The following SLIT2 variants were observed in gnomAD, a reference collection of about 807,000 sequenced individuals.
SLIT2 encodes the protein slit homolog 2 protein.
SLIT2 carries 41 observed loss-of-function variants against 185.7 expected under a neutral mutation model. The ratio of observed to expected loss-of-function variants is 0.22; its 90% CI spans 0.17 to 0.29. The LOEUF is 0.29. Among genes scored for constraint, SLIT2 ranks in the 10% least tolerant of loss-of-function variants. SLIT2 has a pLI of 1.00. For missense variants in SLIT2, 1,571 were observed against 1,909.0 expected, an observed-to-expected ratio of 0.82 and a Z score of 3.30; for synonymous variants, 693 against 680.2, an observed-to-expected ratio of 1.02 and a Z score of -0.29.
intron 4 of SLIT2, among the ~76,000 whole-genome samples, chr4:20,306,919 A>G (rs1717601220): frequency 6.6e-6 from 1 of 152,100 alleles, no homozygotes; most frequent in Non-Finnish European, 1.5e-5. Flanking sequence ...TCTTAAAAAA[A>G]TATATATAAA....
chr4:20,273,383 C>T (rs1399557640), intron 4 of SLIT2, among the ~76,000 whole-genome samples: 2 of 151,818 alleles, frequency 1.3e-5, no homozygotes, highest in Non-Finnish European at 2.9e-5. Context: ...GCTACTTAGA[C>T]GTGTATTATG....
chr4:20,390,777 A>AT (rs1400482491), intron 4 of SLIT2, among the ~76,000 whole-genome samples: 3 of 143,510 alleles, frequency 2.1e-5, no homozygotes, highest in African/African-American at 7.4e-5. Flanking sequence ...TTTTTAAAAA[A>AT]AAATATATAT....
At chr4:20,581,019 T>C (rs1289670351) in intron 29 of SLIT2, among the ~76,000 whole-genome samples, 1 of 152,216 alleles carries the variant, frequency 6.6e-6, no homozygotes, top group African/African-American at 2.4e-5. Flanking sequence ...CGCTGTAAAC[T>C]TCCAGTGATT....
intron 21 of SLIT2, among the ~76,000 whole-genome samples, chr4:20,543,268 A>G (rs1722971484): frequency 1.3e-5 from 2 of 152,134 alleles, no homozygotes; most frequent in Admixed American, 1.3e-4. Flanking sequence ...ACTGATATTT[A>G]ACCACAAATT....
At chr4:20,463,061 A>AT (rs2148733015) in intron 4 of SLIT2, among the ~76,000 whole-genome samples, 1 of 152,260 alleles carries the variant, frequency 6.6e-6, no homozygotes, top group South Asian at 2.1e-4. Flanking sequence ...TTATTGTTTC[A>AT]TTTTATAGAT....
In SLIT2 at chr4:20,524,131, A is replaced by T. The variant is rs1447484957; in HGVS notation, c.1392A>T (p.Ala464=). 1 of 1,614,176 alleles carries T rather than the reference A, an allele frequency of 6.2e-7. No individual in the cohort carries two copies. Among genetic ancestry groups the T allele is most frequent in the East Asian group, 2.2e-5 (1 of 44,880 alleles). The change falls in exon 14 of 37, where the codon GCA becomes GCT. Residue 464 remains alanine, a synonymous_variant. Coordinates refer to ENST00000504154, the MANE Select transcript of SLIT2 (RefSeq NM_004787.4). ...GARCTSPRRL[A]NKRIGQIKSK... is the part of the protein sequence containing the mutation. ...GTTGCACCAGCCCCCGCCGCCTGGC[A>T]AACAAAAGAATTGGACAGATCAAAA... is the stretch of plus-strand genomic sequence containing the variant.
chr4:20,445,725 T>G (rs929682261), intron 4 of SLIT2, among the ~76,000 whole-genome samples: 23 of 152,208 alleles, frequency 1.5e-4, no homozygotes, highest in Non-Finnish European at 7.3e-5. Flanking sequence ...CTCTTTTTTC[T>G]CTTAAAATAT....
intron 34 of SLIT2, chr4:20,615,139 A>C (rs989267441): frequency 2.6e-5 from 4 of 152,210 alleles, no homozygotes; most frequent in Non-Finnish European, 5.9e-5. Context: ...AGGACCATAA[A>C]TATGTGGTCA....
chr4:20,502,731 A>G (rs1438169676), intron 9 of SLIT2, among the ~76,000 whole-genome samples: 2 of 152,316 alleles, frequency 1.3e-5, no homozygotes, highest in Admixed American at 6.5e-5. Context: ...TATAAAGTGG[A>G]AGTCAAATCT....
intron 29 of SLIT2, among the ~76,000 whole-genome samples, chr4:20,575,579 G>A (rs1051744746): frequency 5.9e-5 from 9 of 152,132 alleles, no homozygotes; most frequent in African/African-American, 2.2e-4. Context: ...TGAGGTGGGG[G>A]CCTCTGCTGG....
At chr4:20,582,416 C>T (rs900593945) in intron 29 of SLIT2, among the ~76,000 whole-genome samples, 1 of 152,164 alleles carries the variant, frequency 6.6e-6, no homozygotes, top group Non-Finnish European at 1.5e-5. Flanking sequence ...GTAGTCCCCT[C>T]GTTATCTGCG....
chr4:20,291,033 G>C (rs1222927458), intron 4 of SLIT2, among the ~76,000 whole-genome samples: 3 of 151,800 alleles, frequency 2.0e-5, no homozygotes, highest in Non-Finnish European at 4.4e-5. Context: ...CTGTTAATGT[G>C]GTCAGCACCC....
intron 26 of SLIT2, among the ~76,000 whole-genome samples, chr4:20,563,806 A>G (rs1017883499): frequency 6.6e-6 from 1 of 151,850 alleles, no homozygotes; most frequent in Non-Finnish European, 1.5e-5. Context: ...AGTCTAAGAA[A>G]GAGTGTCAGT....
chr4:20,559,286 A>C (rs1330667076), intron 26 of SLIT2, among the ~76,000 whole-genome samples: 1 of 152,050 alleles, frequency 6.6e-6, no homozygotes, highest in Admixed American at 6.6e-5. Context: ...CTTAAATAGC[A>C]AACAGCATGC....
chr4:20,374,936 C>G (rs1427650084), intron 4 of SLIT2, among the ~76,000 whole-genome samples: 1 of 152,102 alleles, frequency 6.6e-6, no homozygotes, highest in Non-Finnish European at 1.5e-5. Context: ...CTGTCAACAT[C>G]ACTACAGTTG....
intron 7 of SLIT2, among the ~76,000 whole-genome samples, chr4:20,487,401 A>G (rs569230): frequency 0.33 from 50,323 of 152,052 alleles, 9,023 homozygotes; most frequent in East Asian, 0.54. Context: ...CAAGCTTTCA[A>G]TCTTTGCAAA....
chr4:20,444,916 G>A (rs766970077), intron 4 of SLIT2, among the ~76,000 whole-genome samples: 68 of 152,062 alleles, frequency 4.5e-4, no homozygotes, highest in Non-Finnish European at 8.8e-4. Flanking sequence ...CATACTTTGC[G>A]ACTTAATTGC....
At chr4:20,463,510 C>G (rs1049495233) in intron 4 of SLIT2, among the ~76,000 whole-genome samples, 3 of 42,114 alleles carry the variant, frequency 7.1e-5, no homozygotes, top group African/African-American at 1.9e-4. Flanking sequence ...TGCGTATATC[C>G]ATATATGTGT....
intron 4 of SLIT2, among the ~76,000 whole-genome samples, chr4:20,449,601 G>T (rs1445645474): frequency 1.3e-5 from 2 of 152,014 alleles, no homozygotes; most frequent in African/African-American, 4.8e-5. Flanking sequence ...TAGAGACAGG[G>T]TTTCACCATG....
Sources: gnomAD v4.1 joint callset for allele counts (sites outside exome capture counted in the v4.1 genomes callset) on GRCh38, gnomAD v4.1.1 for gene constraint, MANE v1.5 for transcripts, NCBI Gene and HGNC (gene_info 2026-07-23, HGNC 2026-07-21) for gene names.